OGDH: variants seen among roughly 807,000 people sequenced by gnomAD.
OGDH encodes 2-oxoglutarate dehydrogenase complex component E1.
Under a neutral mutation model 116.6 loss-of-function variants are expected in OGDH, and 38 were observed. That is an observed-to-expected ratio of 0.33 (90% confidence interval 0.25 to 0.43). OGDH has a LOEUF of 0.43. Among genes scored for constraint, OGDH ranks in the 20% least tolerant of loss-of-function variants. The pLI is 1.00. For missense variants in OGDH, 825 were observed against 1,357.2 expected, an observed-to-expected ratio of 0.61 and a Z score of 6.16; for synonymous variants, 488 against 533.3, an observed-to-expected ratio of 0.92 and a Z score of 1.17.
At position 44,697,861 on chromosome 7, in the gene OGDH, G is replaced by C; in HGVS notation, c.2358+79G>C. ...GGACCCTGACCCCAAAGACTGGCACGAGAGCCAGTGGCTCACACCAGCCTC... is the reference window on the plus strand; with the variant it reads ...GGACCCTGACCCCAAAGACTGGCACCAGAGCCAGTGGCTCACACCAGCCTC... On this transcript the variant is annotated intron_variant, in intron 17 of 22. Transcript: ENST00000222673. The surrounding 1 kb of genome is among the most constrained non-coding windows in gnomAD (Gnocchi z 6.0). 6.8e-7 allele frequency: 1 copy of C among 1,472,646 alleles called. No homozygotes were observed. The highest frequency in any genetic ancestry group is 9.1e-7 in the Non-Finnish European group (1 of 1,099,948). The allele number at this position is 1,472,646 out of a possible 1,614,324, so 91.2% of individuals were successfully genotyped here. A position where few individuals can be genotyped will look rare whatever the true frequency, so the allele number is the denominator to read the frequency against.
intron 10 of OGDH, among the ~76,000 whole-genome samples, chr7:44,685,018 C>T (rs1788070411): frequency 6.6e-6 from 1 of 152,108 alleles, no homozygotes. Context: ...GAACTCCTGA[C>T]CTCATGATCC....
chr7:44,644,065 C>T (rs1271378462), intron 2 of OGDH, among the ~76,000 whole-genome samples: 1 of 152,126 alleles, frequency 6.6e-6, no homozygotes, highest in Non-Finnish European at 1.5e-5. Flanking sequence ...AAATTATAAG[C>T]CTGGTGGCGT....
chr7:44,680,201 G>C (rs1402063302), intron 9 of OGDH, among the ~76,000 whole-genome samples: 1 of 151,954 alleles, frequency 6.6e-6, no homozygotes, highest in Non-Finnish European at 1.5e-5. Context: ...GAAAGAGTGA[G>C]ACCCTGCCTC....
At chr7:44,631,215 G>A (rs1785426190) in intron 2 of OGDH, among the ~76,000 whole-genome samples, 1 of 152,186 alleles carries the variant, frequency 6.6e-6, no homozygotes, top group Non-Finnish European at 1.5e-5. Context: ...CAGATACGGA[G>A]GGCTGACTGT....
At chr7:44,691,268 GT>G (rs1334184418) in intron 10 of OGDH, among the ~76,000 whole-genome samples, 1 of 152,126 alleles carries the variant, frequency 6.6e-6, no homozygotes, top group African/African-American at 2.4e-5. Context: ...GCTCAAACCT[GT>G]TCCCAATACT....
At chr7:44,637,017 G>C (rs1457903278) in intron 2 of OGDH, among the ~76,000 whole-genome samples, 2 of 152,048 alleles carry the variant, frequency 1.3e-5, no homozygotes, top group Non-Finnish European at 2.9e-5. Context: ...CCCTGGTCAG[G>C]TGCTTGTTCC....
intron 2 of OGDH, among the ~76,000 whole-genome samples, chr7:44,633,909 CAGAA>C (rs1031076262): frequency 6.6e-6 from 1 of 152,174 alleles, no homozygotes; most frequent in Non-Finnish European, 1.5e-5. Context: ...TGAGGTGTGT[CAGAA>C]AGACTGCGTG....
At chr7:44,613,563 G>A (rs1310370196) in intron 1 of OGDH, among the ~76,000 whole-genome samples, 1 of 151,860 alleles carries the variant, frequency 6.6e-6, no homozygotes, top group Non-Finnish European at 1.5e-5. Context: ...GTTTCACCGT[G>A]TTAGCCAGGA....
intron 4 of OGDH, among the ~76,000 whole-genome samples, chr7:44,650,156 G>A (rs1461565950): frequency 6.6e-6 from 1 of 152,078 alleles, no homozygotes; most frequent in African/African-American, 2.4e-5. Context: ...CTAGTCTTCA[G>A]GTACAAAAAA....
At chr7:44,660,243 G>A (rs978156732) in intron 4 of OGDH, among the ~76,000 whole-genome samples, 1 of 152,152 alleles carries the variant, frequency 6.6e-6, no homozygotes, top group African/African-American at 2.4e-5. Flanking sequence ...TCCCACCTCA[G>A]CCTCCCAAGT....
chr7:44,624,308 T>TTTTTAAAGGCAG lies in OGDH; in HGVS notation c.-27-7_-27-6insTTAAAGGCAGTT. ...TCTTTCTTGTTTTTTTTTTTTTTTT[T>TTTTTAAAGGCAG]TTGTACAGGCAGTTGTGAAAAACTT... On this transcript the variant is annotated splice_polypyrimidine_tract_variant and intron_variant, in intron 1 of 22. Coordinates refer to ENST00000222673, the MANE Select transcript of OGDH (RefSeq NM_002541.4). 1 of 1,329,616 alleles carries TTTTTAAAGGCAG rather than the reference T, an allele frequency of 7.5e-7. No homozygotes were observed. The allele number at this position is 1,329,616 out of a possible 1,614,324, so 82.4% of individuals were successfully genotyped here.
In OGDH at chr7:44,708,134, C is replaced by G; in HGVS notation, c.*135C>G. 1 of 1,243,740 alleles carries G rather than the reference C, an allele frequency of 8.0e-7. No homozygotes were observed. The highest frequency in any genetic ancestry group is 1.1e-6 in the Non-Finnish European group (1 of 900,590). 77.0% of individuals were successfully genotyped at this position (1,243,740 alleles called of 1,614,324 possible). A position where few individuals can be genotyped will look rare whatever the true frequency, so the allele number is the denominator to read the frequency against. On this transcript the variant is annotated 3_prime_UTR_variant, in exon 23 of 23. Coordinates refer to ENST00000222673, the MANE Select transcript of OGDH (RefSeq NM_002541.4). ...CTGTGCCACCACCCCTCCCTCTGCT[C>G]TCATAGGAGTTAGGCTGTCGTCCCC...
chr7:44,612,629 C>T lies in OGDH; in HGVS notation c.-28+5976C>T, dbSNP rs539204937. Reference sequence around the variant, plus strand: ...TGAACTCCTGATCTCATGATCCACTCGCCTCGGCCTCCCAAAGTGCTAGGA... The same window carrying T: ...TGAACTCCTGATCTCATGATCCACTTGCCTCGGCCTCCCAAAGTGCTAGGA... On this transcript the variant is annotated intron_variant, in intron 1 of 22. Transcript: ENST00000222673. Among the ~76,000 whole-genome samples, 224 of 152,098 alleles carry T rather than the reference C, an allele frequency of 1.5e-3. 1 individual carries two copies. The highest frequency in any genetic ancestry group is 5.2e-3 in the African/African-American group (217 of 41,486).
intron 18 of OGDH, 118 bp downstream of exon 18, chr7:44,698,381 C>T (rs1437405324): frequency 9.5e-7 from 1 of 1,053,184 alleles, no homozygotes; most frequent in Admixed American, 2.0e-5. Context: ...TCCCTTTCTC[C>T]ATCCTGGGGA....
chr7:44,615,330 T>C (rs1017517137), intron 1 of OGDH, among the ~76,000 whole-genome samples: 2 of 152,172 alleles, frequency 1.3e-5, no homozygotes, highest in Non-Finnish European at 2.9e-5. Context: ...GCTGTATGAC[T>C]GTAAGAGTTC....
At chr7:44,642,430 TAAAA>T (rs901212882) in intron 2 of OGDH, among the ~76,000 whole-genome samples, 3 of 150,426 alleles carry the variant, frequency 2.0e-5, no homozygotes, top group African/African-American at 4.9e-5. Context: ...TCTCAAAAAA[TAAAA>T]AAGAAAGAAA....
intron 20 of OGDH, 31 bp downstream of exon 20, chr7:44,701,646 G>A (rs757520341): frequency 6.3e-7 from 1 of 1,597,954 alleles, no homozygotes; most frequent in Non-Finnish European, 8.6e-7. Flanking sequence ...CATTTCCTTG[G>A]GGGAAGCTAT....
Position 44,696,487 on chromosome 7 carries a change from G to A in OGDH, c.1830G>A (p.Thr610=), listed in dbSNP as rs150682094. 352 of 1,614,194 alleles carry A rather than the reference G, an allele frequency of 2.2e-4. No homozygotes were observed. In the African/African-American group the frequency reaches 3.6e-3, roughly 17 times the overall value. ...TGTCCTGCCCCTCCACGGGTCTGACGGAGGATATTCTGACACACATCGGGA... is the reference window on the plus strand; with the variant it reads ...TGTCCTGCCCCTCCACGGGTCTGACAGAGGATATTCTGACACACATCGGGA... ...RSMSCPSTGL[T]EDILTHIGNV... Residue 610 remains threonine, a synonymous_variant, in exon 14 of 23, where the codon ACG becomes ACA. Coordinates refer to ENST00000222673, the MANE Select transcript of OGDH (RefSeq NM_002541.4).
chr7:44,689,393 T>C (rs1387750080), intron 10 of OGDH, among the ~76,000 whole-genome samples: 208 of 94,060 alleles, frequency 2.2e-3, no homozygotes, highest in Non-Finnish European at 3.2e-3. Flanking sequence ...TTTTTTTTTC[T>C]TTTTTTTTTT....
Sources: gnomAD v4.1 joint callset for allele counts (sites outside exome capture counted in the v4.1 genomes callset) on GRCh38, gnomAD v4.1.1 for gene constraint, Gnocchi (gnomAD v3.1) non-coding constraint, MANE v1.5 for transcripts, NCBI Gene and HGNC (gene_info 2026-07-23, HGNC 2026-07-21) for gene names.